SEMA5A: variants seen among roughly 807,000 people sequenced by gnomAD.
The protein encoded by SEMA5A is semaphorin 5A, also known as semaphorin-5A.
In SEMA5A, 55 loss-of-function variants were observed where a neutral mutation model predicts 135.5. That is an observed-to-expected ratio of 0.41 (90% CI 0.33 to 0.51). The LOEUF is 0.51. SEMA5A is among the 20% of genes least tolerant of loss of function. SEMA5A has a pLI of 0.37. For synonymous variants in SEMA5A, 580 were observed against 546.5 expected, an observed-to-expected ratio of 1.06 and a Z score of -0.85; for missense variants, 1,290 against 1,419.9, an observed-to-expected ratio of 0.91 and a Z score of 1.47.
At chr5:9,123,294 A>AAAAAAAAAAAAAAAT (rs1740924968) in intron 13 of SEMA5A, among the ~76,000 whole-genome samples, 1 of 142,628 alleles carries the variant, frequency 7.0e-6, no homozygotes, top group Non-Finnish European at 1.5e-5. Context: ...AAAAAAAAAA[A>AAAAAAAAAAAAAAAT]GATTGCATAA....
intron 3 of SEMA5A, among the ~76,000 whole-genome samples, chr5:9,354,078 G>A (rs1754337080): frequency 6.6e-6 from 1 of 151,980 alleles, no homozygotes; most frequent in African/African-American, 2.4e-5. Context: ...AGAGAGCTCA[G>A]CATGCCACAC....
At chr5:9,439,717 A>AGAC (rs983155163) in intron 1 of SEMA5A, among the ~76,000 whole-genome samples, 2 of 152,222 alleles carry the variant, frequency 1.3e-5, no homozygotes, top group African/African-American at 2.4e-5. Context: ...TGCAGGAAGA[A>AGAC]GACATCCCTG....
chr5:9,168,641 C>T (rs530488402), intron 11 of SEMA5A, among the ~76,000 whole-genome samples: 1 of 152,198 alleles, frequency 6.6e-6, no homozygotes, highest in African/African-American at 2.4e-5. Context: ...CTACCTTCAA[C>T]CTGTGAGTGA....
chr5:9,508,128 G>A (rs773663447), intron 1 of SEMA5A, among the ~76,000 whole-genome samples: 2 of 152,168 alleles, frequency 1.3e-5, no homozygotes, highest in African/African-American at 2.4e-5. Context: ...AGGAGGTTGA[G>A]TCTGAAGATA....
chr5:9,084,561 T>C (rs1036520267), intron 16 of SEMA5A, among the ~76,000 whole-genome samples: 1 of 152,216 alleles, frequency 6.6e-6, no homozygotes, highest in East Asian at 1.9e-4. Context: ...GCATGAGCCC[T>C]CTTCTCTTGT....
At chr5:9,512,465 T>C (rs1736264061) in intron 1 of SEMA5A, among the ~76,000 whole-genome samples, 1 of 152,222 alleles carries the variant, frequency 6.6e-6, no homozygotes, top group Non-Finnish European at 1.5e-5. Context: ...TAGGAAGTGG[T>C]GAATCCAAAA....
At position 9,041,303 on chromosome 5, in the gene SEMA5A, C is replaced by CT. The variant is rs1294174817; in HGVS notation, c.*1593dup. 3 of 152,148 alleles carry CT rather than the reference C, an allele frequency of 2.0e-5. No individual in the cohort carries two copies. The highest frequency in any genetic ancestry group is 2.9e-5 in the Non-Finnish European group (2 of 68,016). The allele number at this position is 152,148 out of a possible 1,614,324, so 9.4% of individuals were successfully genotyped here. On this transcript the variant is annotated 3_prime_UTR_variant, in exon 23 of 23. Coordinates refer to ENST00000382496, the MANE Select transcript of SEMA5A (RefSeq NM_003966.3). ...TAAAATTCTATGTTCCTTAGTCCCCCTACTATATTTTCTTTCATAGATCCG... is the reference window on the plus strand; with the variant it reads ...TAAAATTCTATGTTCCTTAGTCCCCCTTACTATATTTTCTTTCATAGATCCG...
chr5:9,041,859 G>C lies in SEMA5A; in HGVS notation c.*1038C>G, dbSNP rs139554666. On this transcript the variant is annotated 3_prime_UTR_variant, in exon 23 of 23. Transcript: ENST00000382496. ...TGATTGCCACACATTGGGTATATCAGAGAGATGAAAAATAAAATGATTATC... is the reference window on the plus strand; with the variant it reads ...TGATTGCCACACATTGGGTATATCACAGAGATGAAAAATAAAATGATTATC... 152 of 152,748 alleles carry C rather than the reference G, an allele frequency of 1.0e-3. 1 individual carries two copies. The East Asian group carries it at 0.018, about 18-fold the overall frequency. 9.5% of individuals were successfully genotyped at this position (152,748 alleles called of 1,614,324 possible).
chr5:9,293,256 A>G (rs927951265), intron 5 of SEMA5A, among the ~76,000 whole-genome samples: 1 of 152,168 alleles, frequency 6.6e-6, no homozygotes, highest in Non-Finnish European at 1.5e-5. Flanking sequence ...CTTTTTGTCA[A>G]CACGGTTTAT....
intron 5 of SEMA5A, among the ~76,000 whole-genome samples, chr5:9,295,539 A>G (rs1265539608): frequency 6.6e-6 from 1 of 152,096 alleles, no homozygotes; most frequent in East Asian, 1.9e-4. Flanking sequence ...AGGACGAGTG[A>G]TGGGGAAGGA....
At chr5:9,208,602 G>A (rs1746177599) in intron 8 of SEMA5A, among the ~76,000 whole-genome samples, 1 of 152,158 alleles carries the variant, frequency 6.6e-6, no homozygotes, top group South Asian at 2.1e-4. Flanking sequence ...GACAAGGATG[G>A]GGGAAGAGAA....
chr5:9,525,961 G>A (rs1319619881), intron 1 of SEMA5A, among the ~76,000 whole-genome samples: 1 of 152,054 alleles, frequency 6.6e-6, no homozygotes, highest in Non-Finnish European at 1.5e-5. Flanking sequence ...TATGATAAAG[G>A]ATAATTACTC....
intron 19 of SEMA5A, chr5:9,053,833 C>T (rs257095): frequency 0.87 from 308,096 of 353,920 alleles, 134,385 homozygotes; most frequent in East Asian, 0.96. Flanking sequence ...AGAACTCGTG[C>T]TTGAAGCCTT....
chr5:9,131,973 T>C (rs922570991), intron 13 of SEMA5A, among the ~76,000 whole-genome samples: 1 of 152,152 alleles, frequency 6.6e-6, no homozygotes, highest in Non-Finnish European at 1.5e-5. Context: ...TTAAACAACA[T>C]TATGATTTAT....
intron 12 of SEMA5A, among the ~76,000 whole-genome samples, chr5:9,147,110 T>C (rs1742379070): frequency 1.3e-5 from 2 of 152,152 alleles, no homozygotes; most frequent in African/African-American, 2.4e-5. Flanking sequence ...ACCTATTAAC[T>C]CCGGCTTTTA....
At chr5:9,319,645 T>G (rs1752539433) in intron 4 of SEMA5A, among the ~76,000 whole-genome samples, 2 of 151,838 alleles carry the variant, frequency 1.3e-5, no homozygotes, top group Non-Finnish European at 2.9e-5. Flanking sequence ...CCAGCCTAAG[T>G]GCAAATAATA....
intron 6 of SEMA5A, among the ~76,000 whole-genome samples, chr5:9,235,494 G>A (rs976682377): frequency 2.0e-5 from 3 of 152,172 alleles, no homozygotes; most frequent in African/African-American, 7.2e-5. Flanking sequence ...CACTACCCTG[G>A]TATGGGCTTC....
At chr5:9,467,097 G>A (rs183508840) in intron 1 of SEMA5A, among the ~76,000 whole-genome samples, 29 of 152,294 alleles carry the variant, frequency 1.9e-4, no homozygotes, top group African/African-American at 7.0e-4. Context: ...CAAGAACAGG[G>A]AGATGAGATG....
At chr5:9,302,457 C>G (rs563833156) in intron 5 of SEMA5A, among the ~76,000 whole-genome samples, 3 of 152,326 alleles carry the variant, frequency 2.0e-5, no homozygotes, top group African/African-American at 7.2e-5. Flanking sequence ...ATAAGCCAAA[C>G]TCAATCTCAT....
Sources: gnomAD v4.1 joint callset for allele counts (sites outside exome capture counted in the v4.1 genomes callset) on GRCh38, gnomAD v4.1.1 for gene constraint, MANE v1.5 for transcripts, NCBI Gene and HGNC (gene_info 2026-07-23, HGNC 2026-07-21) for gene names.